DSCAM: variants seen among roughly 807,000 people sequenced by gnomAD.
DSCAM encodes the protein cell adhesion molecule DSCAM.
DSCAM carries 47 observed loss-of-function variants against 217.7 expected under a neutral mutation model. That is an observed-to-expected ratio of 0.22 (90% CI 0.17 to 0.28). The LOEUF (loss-of-function observed/expected upper bound fraction) is 0.28, where lower values mean the gene tolerates loss of function less well. Ranked by LOEUF, DSCAM falls within the 10% of genes least tolerant of loss-of-function variation. The pLI, the probability that DSCAM is intolerant of heterozygous loss-of-function variation, is 1.00. For missense variants in DSCAM, 2,080 were observed against 2,618.3 expected (o/e 0.79, Z 4.49); for synonymous variants, 1,056 against 1,015.3 (o/e 1.04, Z -0.76).
intron 11 of DSCAM, among the ~76,000 whole-genome samples, chr21:40,229,908 T>C (rs2091366202): frequency 6.6e-6 from 1 of 152,216 alleles, no homozygotes; most frequent in East Asian, 1.9e-4. Flanking sequence ...TATTTAGTTT[T>C]GTAAGAAACT....
At chr21:40,392,755 A>T (rs180845669) in intron 3 of DSCAM, among the ~76,000 whole-genome samples, 1 of 152,334 alleles carries the variant, frequency 6.6e-6, no homozygotes, top group East Asian at 1.9e-4. Flanking sequence ...GATGCTTCCC[A>T]TAAAGGACCA....
At chr21:40,752,824 G>T (rs2091241904) in intron 1 of DSCAM, among the ~76,000 whole-genome samples, 1 of 152,168 alleles carries the variant, frequency 6.6e-6, no homozygotes, top group African/African-American at 2.4e-5. Flanking sequence ...GAGAGAAGGG[G>T]AGAAGAGGGA....
chr21:40,475,865 AAC>A (rs1332071451), intron 3 of DSCAM, among the ~76,000 whole-genome samples: 1 of 152,154 alleles, frequency 6.6e-6, no homozygotes, highest in Non-Finnish European at 1.5e-5. Context: ...TTTAAAAAAA[AAC>A]ACATCAGCCT....
intron 32 of DSCAM, among the ~76,000 whole-genome samples, chr21:40,033,927 T>A (rs2088584926): frequency 7.2e-6 from 1 of 138,688 alleles, no homozygotes; most frequent in Admixed American, 7.2e-5. Flanking sequence ...GACTGACACC[T>A]CACAGGGCAG....
intron 1 of DSCAM, among the ~76,000 whole-genome samples, chr21:40,718,245 T>C (rs528235788): frequency 3.4e-4 from 52 of 152,198 alleles, no homozygotes; most frequent in Non-Finnish European, 5.1e-4. Flanking sequence ...CAATAGCAAA[T>C]TGGAAATAGG....
In DSCAM at chr21:40,155,299, CCAA is replaced by C. The variant is rs1441544883; in HGVS notation, c.3019-10571_3019-10569del. ...GAATACCCCCACCTAGCTCCCGCGC[CCAA>C]CAATGGGGACCTAGAGGGTGCACTC... On this transcript the variant is annotated intron_variant, in intron 16 of 32. Transcript: ENST00000400454. Among the ~76,000 whole-genome samples the C allele has an allele frequency of 4.6e-5, 7 of 152,188 alleles. No homozygotes were observed. The East Asian group carries it at 1.4e-3, about 29-fold the overall frequency.
chr21:40,739,782 T>G (rs1054948281), intron 1 of DSCAM, among the ~76,000 whole-genome samples: 3 of 51,794 alleles, frequency 5.8e-5, no homozygotes, highest in Non-Finnish European at 9.8e-5. Context: ...AGAGAATTAG[T>G]TTTTTTTTTT....
rs1468842178 is a variant in DSCAM, at chr21:40,112,900, G to A, written c.3696+11295C>T. ...GAATCTCTGAATAGACCAATAAGAG[G>A]CTCTGAAATTGAGGTAATAATTAAT... On this transcript the variant is annotated intron_variant, in intron 20 of 32. Coordinates refer to ENST00000400454, the MANE Select transcript of DSCAM (RefSeq NM_001389.5). Among the ~76,000 whole-genome samples, 4 of 152,100 alleles carry A rather than the reference G, an allele frequency of 2.6e-5. No individual in the cohort carries two copies. In the East Asian group the frequency reaches 7.7e-4, roughly 29 times the overall value.
intron 3 of DSCAM, among the ~76,000 whole-genome samples, chr21:40,581,762 A>G (rs1293403301): frequency 3.9e-5 from 6 of 152,202 alleles, no homozygotes; most frequent in African/African-American, 1.4e-4. Context: ...ACAAAAAGGC[A>G]TTGAGTTTGG....
intron 8 of DSCAM, among the ~76,000 whole-genome samples, chr21:40,312,737 T>C (rs2074152867): frequency 6.6e-6 from 1 of 152,242 alleles, no homozygotes; most frequent in Non-Finnish European, 1.5e-5. Flanking sequence ...ACTTTGCGAC[T>C]ATGACACTAC....
At chr21:40,417,321 G>A (rs1306222569) in intron 3 of DSCAM, among the ~76,000 whole-genome samples, 4 of 152,114 alleles carry the variant, frequency 2.6e-5, no homozygotes, top group Admixed American at 2.6e-4. Flanking sequence ...ATGTTGGTGT[G>A]CTGCACCCAT....
Position 40,401,892 on chromosome 21 carries a change from C to A in DSCAM, c.509-32647G>T, listed in dbSNP as rs562716124. On this transcript the variant is annotated intron_variant, in intron 3 of 32. Coordinates refer to ENST00000400454, the MANE Select transcript of DSCAM (RefSeq NM_001389.5). The stretch of plus-strand genomic sequence containing the variant: ...CTCTCCTTCCTCTTTCTCCAGAAGT[C>A]GGCCCAGCCTTGCTAGCTATATTTT... Among the ~76,000 whole-genome samples the A allele has an allele frequency of 8.6e-5, 13 of 152,046 alleles. No homozygotes were observed. In the South Asian group the frequency reaches 2.7e-3, roughly 32 times the overall value.
chr21:40,558,878 A>C (rs1382472866), intron 3 of DSCAM, among the ~76,000 whole-genome samples: 1 of 152,208 alleles, frequency 6.6e-6, no homozygotes, highest in Non-Finnish European at 1.5e-5. Context: ...TACGTATGCC[A>C]GGATGAAGTG....
intron 3 of DSCAM, among the ~76,000 whole-genome samples, chr21:40,372,176 T>C: frequency 6.6e-6 from 1 of 152,210 alleles, no homozygotes; most frequent in East Asian, 1.9e-4. Flanking sequence ...TCATTTTAAC[T>C]GCTCCCTAAC....
Position 40,013,082 on chromosome 21 carries a change from G to A in DSCAM, c.5991C>T (p.Gly1997=). ...CGTAAGGATTGTTTCCTTTCAAATG[G>A]CCCCGGGAGTCGAGCAGTGATTCTT... ...SSQESLLDSR[G]HLKGNNPYAK... The change falls in exon 33 of 33, where the codon GGC becomes GGT. Residue 1997 remains glycine, a synonymous_variant. Coordinates refer to ENST00000400454, the MANE Select transcript of DSCAM (RefSeq NM_001389.5). The A allele has an allele frequency of 6.4e-7, 1 of 1,574,622 alleles. No homozygotes were observed. Among genetic ancestry groups the A allele is most frequent in the South Asian group, 1.2e-5 (1 of 84,144 alleles).
intron 16 of DSCAM, among the ~76,000 whole-genome samples, chr21:40,148,914 T>A (rs905237180): frequency 1.3e-5 from 2 of 152,128 alleles, no homozygotes; most frequent in Non-Finnish European, 2.9e-5. Context: ...TTTACCACCA[T>A]ATTTATCACA....
intron 3 of DSCAM, among the ~76,000 whole-genome samples, chr21:40,370,912 GT>G (rs1361372251): frequency 6.6e-6 from 1 of 152,102 alleles, no homozygotes. Flanking sequence ...CCCTCCCAAA[GT>G]GGGATTACAG....
chr21:40,592,989 T>C (rs1047428138), intron 3 of DSCAM, among the ~76,000 whole-genome samples: 16 of 152,182 alleles, frequency 1.1e-4, no homozygotes, highest in Non-Finnish European at 2.2e-4. Context: ...ACAAAATACA[T>C]TTGACGAAGT....
intron 4 of DSCAM, among the ~76,000 whole-genome samples, chr21:40,366,864 ACT>A (rs1380365555): frequency 6.6e-6 from 1 of 152,088 alleles, no homozygotes; most frequent in Non-Finnish European, 1.5e-5. Flanking sequence ...TTCCTAGAAC[ACT>A]GTTTTTTACA....
Sources: gnomAD v4.1 joint callset for allele counts (sites outside exome capture counted in the v4.1 genomes callset) on GRCh38, gnomAD v4.1.1 for gene constraint, MANE v1.5 for transcripts, NCBI Gene and HGNC (gene_info 2026-07-23, HGNC 2026-07-21) for gene names.